Variants in XRRA1 observed in about 807,000 individuals in gnomAD.
The protein encoded by XRRA1 is X-ray radiation resistance associated 1, also known as X-ray radiation resistance-associated protein 1.
In XRRA1, 69 loss-of-function variants were observed where a neutral mutation model predicts 80.2. That is an observed-to-expected ratio of 0.86 (90% CI 0.71 to 1.05). The LOEUF (loss-of-function observed/expected upper bound fraction) is 1.05, where lower values mean the gene tolerates loss of function less well. Among genes scored for constraint, XRRA1 ranks in the 50% least tolerant of loss-of-function variants. The pLI is 0.00. For synonymous variants in XRRA1, 348 were observed against 389.9 expected (o/e 0.89, Z 1.27); for missense variants, 967 against 976.4 (o/e 0.99, Z 0.13).
intron 10 of XRRA1, among the ~76,000 whole-genome samples, chr11:74,879,191 G>T (rs1465135547): frequency 6.6e-6 from 1 of 150,772 alleles, no homozygotes; most frequent in Non-Finnish European, 1.5e-5. Context: ...TCCCTTGTAA[G>T]TTGGATTCCT....
chr11:74,852,117 A>AC, intron 12 of XRRA1, 35 bp from the exon 13 acceptor site: 1 of 1,544,098 alleles, frequency 6.5e-7, no homozygotes, highest in Non-Finnish European at 9.0e-7. Context: ...TCAGGTTGAC[A>AC]CCACCCCTCA....
intron 10 of XRRA1, among the ~76,000 whole-genome samples, chr11:74,890,707 G>A (rs572624778): frequency 2.6e-5 from 4 of 152,068 alleles, no homozygotes; most frequent in African/African-American, 9.6e-5. Context: ...GCAATAAAAA[G>A]TGATAAAGGG....
chr11:74,844,135 G>A, intron 17 of XRRA1, 33 bp downstream of exon 17: 1 of 1,588,224 alleles, frequency 6.3e-7, no homozygotes, highest in Non-Finnish European at 8.6e-7. Context: ...GTACTCAGGG[G>A]CCATTTACAC....
rs769872390 is a variant in XRRA1, at chr11:74,927,477, T to C, written c.436A>G (p.Thr146Ala). 20 of 1,610,500 alleles carry C rather than the reference T, an allele frequency of 1.2e-5. No homozygotes were observed. Among genetic ancestry groups the C allele is most frequent in the Non-Finnish European group, 1.7e-5 (20 of 1,176,790 alleles). Residue 146 changes from threonine (T) to alanine (A), a missense_variant, in exon 7 of 19, where the codon ACG becomes GCG. Transcript: ENST00000684022. Reference sequence around the variant, plus strand: ...TCCAGTTCCTTTAGGGCTGGAAACGTGTGAAATGCCTCTACATGGGGAAGA... The same window carrying C: ...TCCAGTTCCTTTAGGGCTGGAAACGCGTGAAATGCCTCTACATGGGGAAGA... ...ENLLPLEAFH[T>A]FPALKELDLA...
At position 74,848,290 on chromosome 11, in the gene XRRA1, A is replaced by C; in HGVS notation, c.1553T>G (p.Leu518Arg). 1 of 1,613,382 alleles carries C rather than the reference A, an allele frequency of 6.2e-7. No individual in the cohort carries two copies. Among genetic ancestry groups the C allele is most frequent in the Non-Finnish European group, 8.5e-7 (1 of 1,179,680 alleles). ...CCGGCAAGACGGGGAATGGCCTTCC[A>C]GGTTCTCAGTGGGCATCTCTGACTC... Reference protein sequence around the residue: ...SVESEMPTENLEGHSPSCRTF... With the variant: ...SVESEMPTENREGHSPSCRTF... The change falls in exon 15 of 19, where the codon CTG becomes CGG. Residue 518 changes from leucine to arginine, a missense_variant. Transcript: ENST00000684022.
intron 14 of XRRA1, among the ~76,000 whole-genome samples, chr11:74,850,309 TGGG>T (rs2135519275): frequency 6.6e-6 from 1 of 152,208 alleles, no homozygotes; most frequent in South Asian, 2.1e-4. Flanking sequence ...GGCTGGCTGA[TGGG>T]AAATGATGGG....
At chr11:74,923,873 TTC>T (rs1488309037) in intron 7 of XRRA1, among the ~76,000 whole-genome samples, 2 of 152,174 alleles carry the variant, frequency 1.3e-5, no homozygotes, top group South Asian at 2.1e-4. Flanking sequence ...CAGGGTCTCA[TTC>T]TGTTACCCAT....
In XRRA1 at chr11:74,842,933, G is replaced by T; in HGVS notation, c.*267C>A. 4.4e-6 allele frequency: 2 copies of T among 456,748 alleles called. No homozygotes were observed. Among genetic ancestry groups the T allele is most frequent in the South Asian group, 4.7e-5 (1 of 21,076 alleles). 28.3% of individuals were successfully genotyped at this position (456,748 alleles called of 1,614,324 possible). A position where few individuals can be genotyped will look rare whatever the true frequency, so the allele number is the denominator to read the frequency against. On this transcript the variant is annotated 3_prime_UTR_variant, in exon 19 of 19. Coordinates refer to ENST00000684022, the MANE Select transcript of XRRA1 (RefSeq NM_001378157.1). ...AGTGTGACAATGCTGCTGTGGCCTG[G>T]GTTCCAAGAAAGAATGCATGTGGCA... is the stretch of plus-strand genomic sequence containing the variant.
intron 12 of XRRA1, among the ~76,000 whole-genome samples, chr11:74,852,787 C>T (rs1241823313): frequency 1.3e-5 from 2 of 152,074 alleles, no homozygotes; most frequent in African/African-American, 4.8e-5. Context: ...ACCATCTTGG[C>T]GAGAGTATTT....
chr11:74,928,477 G>C (rs1168410174), intron 6 of XRRA1, among the ~76,000 whole-genome samples: 1 of 152,146 alleles, frequency 6.6e-6, no homozygotes, highest in Non-Finnish European at 1.5e-5. Flanking sequence ...TTCTAAGCCA[G>C]GGTGGCTTTT....
chr11:74,882,464 C>A (rs911318606), intron 10 of XRRA1, among the ~76,000 whole-genome samples: 1 of 151,900 alleles, frequency 6.6e-6, no homozygotes, highest in African/African-American at 2.4e-5. Flanking sequence ...AATGTCCTCC[C>A]GTAGCTCAGA....
intron 10 of XRRA1, among the ~76,000 whole-genome samples, chr11:74,882,169 T>C (rs1357656435): frequency 1.3e-5 from 2 of 152,202 alleles, no homozygotes; most frequent in African/African-American, 4.8e-5. Flanking sequence ...ATTTTGGTCT[T>C]TTCACATAGT....
At chr11:74,862,713 A>G (rs2042561112) in intron 11 of XRRA1, among the ~76,000 whole-genome samples, 1 of 152,200 alleles carries the variant, frequency 6.6e-6, no homozygotes, top group Non-Finnish European at 1.5e-5. Context: ...TGTGAGAACA[A>G]TGAAAGTTAG....
intron 10 of XRRA1, among the ~76,000 whole-genome samples, chr11:74,901,633 T>A (rs1040877493): frequency 6.6e-6 from 1 of 151,942 alleles, no homozygotes; most frequent in African/African-American, 2.4e-5. Flanking sequence ...TAGAAATAAA[T>A]CCACACACCT....
intron 10 of XRRA1, among the ~76,000 whole-genome samples, chr11:74,901,427 T>C (rs1386365163): frequency 1.3e-5 from 2 of 152,166 alleles, no homozygotes; most frequent in South Asian, 2.1e-4. Context: ...TTCACAGAAA[T>C]AGAAAAAAAC....
Position 74,906,299 on chromosome 11 carries a change from C to A in XRRA1, c.943G>T (p.Asp315Tyr). The change falls in exon 10 of 19, where the codon GAC (aspartate) becomes TAC (tyrosine). Residue 315 changes from aspartate to tyrosine, a missense_variant. Coordinates refer to ENST00000684022, the MANE Select transcript of XRRA1 (RefSeq NM_001378157.1). ...GTATAATCCAGTTGCTCATCTGAGT[C>A]CTCAAGCATCCTTGGCTTGGACTGC... ...MLQSKPRMLE[D>Y]SDEQLDYTVL... is the part of the protein sequence containing the mutation. The A allele has an allele frequency of 6.2e-7, 1 of 1,613,978 alleles. No individual in the cohort carries two copies.
At chr11:74,877,780 A>G (rs2046413803) in intron 10 of XRRA1, among the ~76,000 whole-genome samples, 1 of 151,994 alleles carries the variant, frequency 6.6e-6, no homozygotes, top group South Asian at 2.1e-4. Flanking sequence ...TGTCCCTACA[A>G]AGGACATGAA....
chr11:74,919,103 T>C (rs566938549), intron 8 of XRRA1: 24 of 152,480 alleles, frequency 1.6e-4, no homozygotes, highest in Admixed American at 1.6e-3. Context: ...CTAACAGCCA[T>C]GTAACCAATT....
intron 7 of XRRA1, among the ~76,000 whole-genome samples, chr11:74,924,301 C>T (rs1227599175): frequency 6.7e-6 from 1 of 150,238 alleles, no homozygotes; most frequent in Non-Finnish European, 1.5e-5. Context: ...CGGTGAAACC[C>T]CGTCTCTACT....
Sources: allele counts gnomAD v4.1 joint callset (sites outside exome capture counted in the v4.1 genomes callset), GRCh38; gene constraint gnomAD v4.1.1; transcripts MANE v1.5; gene names NCBI Gene and HGNC (gene_info 2026-07-23, HGNC 2026-07-21).